Variants in PGBD1 observed in about 807,000 individuals in gnomAD.
The protein encoded by PGBD1 is piggyBac transposable element derived 1, also known as piggyBac transposable element-derived protein 1.
PGBD1 carries 25 observed loss-of-function variants against 34.7 expected under a neutral mutation model. The observed-to-expected ratio is 0.72, with a 90% confidence interval of 0.52 to 1.00. PGBD1 has a LOEUF of 1.00. PGBD1 is among the 50% of genes least tolerant of loss of function. The probability of loss-of-function intolerance (pLI) is 0.00; values close to 1 mark genes in which losing one functional copy is unlikely to be tolerated. For missense variants in PGBD1, 830 were observed against 959.4 expected (o/e 0.87, Z 1.78); for synonymous variants, 292 against 335.7 (o/e 0.87, Z 1.42).
Position 28,300,704 on chromosome 6 carries a change from G to C in PGBD1, c.870-20G>C. 1 of 1,571,020 alleles carries C rather than the reference G, an allele frequency of 6.4e-7. No individual in the cohort carries two copies. Among genetic ancestry groups the C allele is most frequent in the Non-Finnish European group, 8.6e-7 (1 of 1,161,468 alleles). ...ATATGATTGAGGATTTTTATAACATGTTCTTTTTTTCTTTCCCAGAGAGTG... is the reference window on the plus strand; with the variant it reads ...ATATGATTGAGGATTTTTATAACATCTTCTTTTTTTCTTTCCCAGAGAGTG... On this transcript the variant is annotated intron_variant, in intron 6 of 6. Coordinates refer to ENST00000682144, the MANE Select transcript of PGBD1 (RefSeq NM_032507.4). The surrounding 1 kb of genome is among the most constrained non-coding windows in gnomAD (Gnocchi z 4.0).
At chr6:28,298,022 T>G (rs1762712765) in intron 6 of PGBD1, 31 bp downstream of exon 6, 4 of 1,415,972 alleles carry the variant, frequency 2.8e-6, no homozygotes, top group African/African-American at 1.4e-5. Flanking sequence ...GTGAATCAAA[T>G]CCTGCAGATA....
chr6:28,300,710 T>G lies in PGBD1; in HGVS notation c.870-14T>G, dbSNP rs1282056299. 6.3e-7 allele frequency: 1 copy of G among 1,582,324 alleles called. No homozygotes were observed. Among genetic ancestry groups the G allele is most frequent in the African/African-American group, 1.4e-5 (1 of 73,054 alleles). On this transcript the variant is annotated splice_polypyrimidine_tract_variant and intron_variant, in intron 6 of 6. Coordinates refer to ENST00000682144, the MANE Select transcript of PGBD1 (RefSeq NM_032507.4). The surrounding 1 kb of genome is among the most constrained non-coding windows in gnomAD (Gnocchi z 4.0). The stretch of plus-strand genomic sequence containing the variant: ...TTGAGGATTTTTATAACATGTTCTT[T>G]TTTTCTTTCCCAGAGAGTGTGCACC...
Position 28,290,861 on chromosome 6 carries a change from G to A in PGBD1, c.642+3693G>A, listed in dbSNP as rs370103657. Among the ~76,000 whole-genome samples, 3 of 152,180 alleles carry A rather than the reference G, an allele frequency of 2.0e-5. No individual in the cohort carries two copies. In the South Asian group the frequency reaches 6.2e-4, roughly 32 times the overall value. Reference sequence around the variant, plus strand: ...GCTTCTGAACAACTAATTTGTCAGGGAAGAAATTAAGAAGGAAATGTAAAA... The same window carrying A: ...GCTTCTGAACAACTAATTTGTCAGGAAAGAAATTAAGAAGGAAATGTAAAA... On this transcript the variant is annotated intron_variant, in intron 4 of 6. Transcript: ENST00000682144.
At position 28,302,292 on chromosome 6, in the gene PGBD1, A is replaced by G; in HGVS notation, c.*8A>G. Reference sequence around the variant, plus strand: ...GCTCATCTGTCAGATTAGGGTACATAAAATGGACATAGTGCAGACATTAAT... The same window carrying G: ...GCTCATCTGTCAGATTAGGGTACATGAAATGGACATAGTGCAGACATTAAT... On this transcript the variant is annotated 3_prime_UTR_variant, in exon 7 of 7. Coordinates refer to ENST00000682144, the MANE Select transcript of PGBD1 (RefSeq NM_032507.4). 1 of 1,603,502 alleles carries G rather than the reference A, an allele frequency of 6.2e-7. No homozygotes were observed. The highest frequency in any genetic ancestry group is 1.7e-5 in the Admixed American group (1 of 59,220).
chr6:28,295,096 A>G (rs555465423), intron 4 of PGBD1, among the ~76,000 whole-genome samples: 2 of 152,194 alleles, frequency 1.3e-5, no homozygotes, highest in African/African-American at 4.8e-5. Context: ...TGGTTCTAAC[A>G]CTCATCATTG....
intron 4 of PGBD1, among the ~76,000 whole-genome samples, chr6:28,288,537 A>G (rs1762355186): frequency 6.6e-6 from 1 of 152,176 alleles, no homozygotes; most frequent in South Asian, 2.1e-4. Flanking sequence ...GCTGAGCAAG[A>G]GCAAGAATAG....
intron 6 of PGBD1, among the ~76,000 whole-genome samples, chr6:28,299,309 C>T (rs1762749151): frequency 6.6e-6 from 1 of 151,628 alleles, no homozygotes; most frequent in African/African-American, 2.4e-5. Context: ...AGGTCTAGCC[C>T]CCTGCCCTCC....
rs201690431 is a variant in PGBD1, at chr6:28,301,108, C to T, written c.1254C>T (p.Asn418=). ...TGAATCTCAAGAGCGAAAAGTTGAA[C>T]CCAGTAGAGCTTTTTGAATTATTTT... ...GLLNLKSEKL[N]PVELFELFFD... The change falls in exon 7 of 7, where the codon AAC becomes AAT. Residue 418 remains asparagine, a synonymous_variant. Transcript: ENST00000682144. 9 of 1,613,960 alleles carry T rather than the reference C, an allele frequency of 5.6e-6. No individual in the cohort carries two copies. Among genetic ancestry groups the T allele is most frequent in the Non-Finnish European group, 7.6e-6 (9 of 1,180,008 alleles).
At position 28,297,950 on chromosome 6, in the gene PGBD1, A is replaced by G. The variant is rs1187731152; in HGVS notation, c.828A>G (p.Glu276=). 1 of 1,611,626 alleles carries G rather than the reference A, an allele frequency of 6.2e-7. No homozygotes were observed. Among genetic ancestry groups the G allele is most frequent in the African/African-American group, 1.3e-5 (1 of 74,694 alleles). The change falls in exon 6 of 7, where the codon GAA becomes GAG. Residue 276 remains glutamate, a synonymous_variant. Coordinates refer to ENST00000682144, the MANE Select transcript of PGBD1 (RefSeq NM_032507.4). The part of the protein sequence containing the change: ...RLFKAKQETS[E]EMEQSGEASG... ...TTAAAGCAAAGCAAGAAACTTCTGA[A>G]GAAATGGAACAAAGTGGAGAAGCCT...
At chr6:28,282,389 A>G (rs2113738863) in intron 1 of PGBD1, among the ~76,000 whole-genome samples, 1 of 152,352 alleles carries the variant, frequency 6.6e-6, no homozygotes, top group East Asian at 1.9e-4. Flanking sequence ...GTTTGAATTT[A>G]CTTCAACGAG....
rs745646440 is a variant in PGBD1 at position 28,284,173 on chromosome 6, G to T, written c.360G>T (p.Glu120Asp). ...GAGAGGAGGCAGTGACAGTGCTGGA[G>T]AATCTAGAGACAGGAAGTGGAGACA... Reference protein sequence around the residue: ...ESGEEAVTVLENLETGSGDTG... With the variant: ...ESGEEAVTVLDNLETGSGDTG... Residue 120 changes from glutamate (E) to aspartate (D), a missense_variant, in exon 2 of 7, where the codon GAG becomes GAT. By Grantham distance (45) the Glu-to-Asp change is conservative. This residue lies in a region of PGBD1 where 457 missense variants were observed against 515.4 expected (regional missense o/e 0.89). Transcript: ENST00000682144. 2.3e-5 allele frequency: 37 copies of T among 1,578,690 alleles called. 1 individual carries two copies. The South Asian group carries it at 3.6e-4, about 15-fold the overall frequency.
intron 3 of PGBD1, among the ~76,000 whole-genome samples, 154 bp from the exon 4 acceptor site, chr6:28,286,926 C>T (rs1581629620): frequency 2.0e-5 from 3 of 152,258 alleles, no homozygotes; most frequent in Admixed American, 6.5e-5. Context: ...AGAATGAAAG[C>T]AGTTGTGATG....
At chr6:28,296,727 G>A (rs900406959) in intron 4 of PGBD1, 89 bp from the exon 5 acceptor site, 75 of 1,448,814 alleles carry the variant, frequency 5.2e-5, no homozygotes, top group Non-Finnish European at 6.4e-5. Context: ...TGGGACTACC[G>A]GTCTACAGCG....
At chr6:28,282,300 A>T (rs1029200034) in intron 1 of PGBD1, among the ~76,000 whole-genome samples, 1 of 152,228 alleles carries the variant, frequency 6.6e-6, no homozygotes, top group African/African-American at 2.4e-5. Context: ...TTATGCCTGG[A>T]AAATAATGAG....
chr6:28,282,113 G>T (rs906588421), intron 1 of PGBD1, among the ~76,000 whole-genome samples, 195 bp downstream of exon 1: 1 of 152,194 alleles, frequency 6.6e-6, no homozygotes, highest in African/African-American at 2.4e-5. Context: ...GCCAGGGAAG[G>T]TTTTACAATA....
intron 4 of PGBD1, among the ~76,000 whole-genome samples, chr6:28,291,681 A>G (rs1762456751): frequency 6.6e-6 from 1 of 152,172 alleles, no homozygotes; most frequent in Non-Finnish European, 1.5e-5. Flanking sequence ...ATCACTGATG[A>G]GCATAGGTGC....
intron 4 of PGBD1, among the ~76,000 whole-genome samples, chr6:28,292,797 C>A (rs925200217): frequency 1.3e-5 from 2 of 152,054 alleles, no homozygotes; most frequent in African/African-American, 4.8e-5. Flanking sequence ...TGAAAACACA[C>A]ACAGGGAGAA....
At position 28,285,582 on chromosome 6, in the gene PGBD1, A is replaced by T. The variant is rs760010326; in HGVS notation, c.428A>T (p.His143Leu). 1 of 1,614,144 alleles carries T rather than the reference A, an allele frequency of 6.2e-7. No homozygotes were observed. The highest frequency in any genetic ancestry group is 2.2e-5 in the East Asian group (1 of 44,884). ...ASVYIQGQDM[H>L]PMVAEYQGVS... ...GTCTATATTCAGGGACAGGACATGCACCCAATGGTGGCAGAATATCAAGGA... is the reference window on the plus strand; with the variant it reads ...GTCTATATTCAGGGACAGGACATGCTCCCAATGGTGGCAGAATATCAAGGA... The change falls in exon 3 of 7, where the codon CAC (histidine) becomes CTC (leucine). Residue 143 changes from histidine (H) to leucine (L), a missense_variant. Around this residue, in one of 3 missense-constraint regions of PGBD1, gnomAD observed 457 missense variants for 515.4 expected, o/e 0.89. Coordinates refer to ENST00000682144, the MANE Select transcript of PGBD1 (RefSeq NM_032507.4).
Position 28,293,797 on chromosome 6 carries a change from C to A in PGBD1, c.643-3019C>A, listed in dbSNP as rs145249497. ...CTGACTCCTCCATTGACCAGCTGTT[C>A]CCTCATCTCTTTTCCTTTCCTTGGT... is the stretch of plus-strand genomic sequence containing the variant. On this transcript the variant is annotated intron_variant, in intron 4 of 6. Transcript: ENST00000682144. Among the ~76,000 whole-genome samples, 193 of 152,270 alleles carry A rather than the reference C, an allele frequency of 1.3e-3. 6 individuals are homozygous for A. In the South Asian group the frequency reaches 0.034, roughly 27 times the overall value.
Sources: gnomAD v4.1 joint callset for allele counts (sites outside exome capture counted in the v4.1 genomes callset) on GRCh38, gnomAD v4.1.1 for gene constraint, gnomAD v4.1.1 regional missense constraint, Gnocchi (gnomAD v3.1) non-coding constraint, MANE v1.5 for transcripts, NCBI Gene and HGNC (gene_info 2026-07-23, HGNC 2026-07-21) for gene names.